LVRN: variants seen among roughly 807,000 people sequenced by gnomAD.
The protein encoded by LVRN is aminopeptidase Q.
In LVRN, 99 loss-of-function variants were observed where a neutral mutation model predicts 111.4. The observed-to-expected ratio is 0.89, with a 90% CI of 0.76 to 1.05. The LOEUF is 1.05. Among genes scored for constraint, LVRN ranks in the 50% least tolerant of loss-of-function variants. The pLI, the probability that LVRN is intolerant of heterozygous loss-of-function variation, is 0.00. For synonymous variants in LVRN, 488 were observed against 449.5 expected, an observed-to-expected ratio of 1.09 and a Z score of -1.08; for missense variants, 1,414 against 1,206.8, an observed-to-expected ratio of 1.17 and a Z score of -2.54.
chr5:116,015,247 T>C lies in LVRN; in HGVS notation c.2451-5T>C. On this transcript the variant is annotated splice_polypyrimidine_tract_variant and splice_region_variant and intron_variant, in intron 16 of 19. Coordinates refer to ENST00000357872, the MANE Select transcript of LVRN (RefSeq NM_173800.5). ...AAAAATATCATTTTATGTTATATTT[T>C]ACAGAATACCTTATCCAATTAAAGA... 6.4e-7 allele frequency: 1 copy of C among 1,567,112 alleles called. No individual in the cohort carries two copies. Among genetic ancestry groups the C allele is most frequent in the Non-Finnish European group, 8.6e-7 (1 of 1,158,926 alleles).
intron 1 of LVRN, among the ~76,000 whole-genome samples, chr5:115,976,900 G>C (rs1219051477): frequency 6.6e-6 from 1 of 152,092 alleles, no homozygotes; most frequent in African/African-American, 2.4e-5. Context: ...ATGTTTTTAA[G>C]CTCTTTGAGA....
At chr5:116,000,297 A>G in intron 7 of LVRN, 136 bp from the exon 8 acceptor site, 3 of 1,248,288 alleles carry the variant, frequency 2.4e-6, no homozygotes, top group Admixed American at 3.7e-5. Flanking sequence ...AGCACATTCC[A>G]AAATAATTCA....
intron 4 of LVRN, 121 bp from the exon 5 acceptor site, chr5:115,992,002 T>C (rs761886906): frequency 1.4e-4 from 127 of 909,116 alleles, no homozygotes; most frequent in Admixed American, 6.2e-4. Context: ...TTCTCTCCGT[T>C]CAGGTTATAA....
intron 18 of LVRN, among the ~76,000 whole-genome samples, chr5:116,018,597 G>A (rs545091012): frequency 5.2e-4 from 79 of 151,232 alleles, no homozygotes; most frequent in African/African-American, 1.7e-3. Flanking sequence ...GCTTGAACCC[G>A]GGAGGTGCAG....
chr5:116,018,484 C>T (rs1488958529), intron 18 of LVRN, among the ~76,000 whole-genome samples: 2 of 152,062 alleles, frequency 1.3e-5, no homozygotes, highest in East Asian at 3.9e-4. Context: ...ACCAGCCTGA[C>T]CAACGTGGAG....
At position 116,000,678 on chromosome 5, in the gene LVRN, A is replaced by G. The variant is rs1322984578; in HGVS notation, c.1647+20A>G. 4 of 1,611,480 alleles carry G rather than the reference A, an allele frequency of 2.5e-6. No homozygotes were observed. The highest frequency in any genetic ancestry group is 3.4e-6 in the Non-Finnish European group (4 of 1,178,188). ...CAAATGGTAATTGTCCTACTTTCTG[A>G]CACATTCTTGCTGAGTTGTTTTGTA... On this transcript the variant is annotated intron_variant, in intron 9 of 19. Transcript: ENST00000357872.
At position 116,015,319 on chromosome 5, in the gene LVRN, G is replaced by T; in HGVS notation, c.2518G>T (p.Asp840Tyr). Residue 840 changes from aspartate (D) to tyrosine (Y), a missense_variant, in exon 17 of 20, where the codon GAC becomes TAC. Transcript: ENST00000357872. ...GIALGSDKEW[D>Y]ILLNTYTNTT... is the part of the protein sequence containing the mutation. ...TGCCTTGGGAAGTGATAAAGAGTGG[G>T]ACATCTTGTTAAATACTTACACTAA... 6.2e-7 allele frequency: 1 copy of T among 1,612,348 alleles called. No individual in the cohort carries two copies.
intron 5 of LVRN, among the ~76,000 whole-genome samples, chr5:115,993,367 G>T (rs1474422223): frequency 6.6e-6 from 1 of 152,118 alleles, no homozygotes; most frequent in Non-Finnish European, 1.5e-5. Context: ...TAGAGTATAA[G>T]GTGCTAGAAT....
At position 115,984,564 on chromosome 5, in the gene LVRN, C is replaced by T. The variant is rs769533542; in HGVS notation, c.839-6C>T. 1.9e-6 allele frequency: 3 copies of T among 1,612,706 alleles called. No homozygotes were observed. In the African/African-American group the frequency reaches 4.0e-5, roughly 22 times the overall value. Reference sequence around the variant, plus strand: ...CTGTGATTTGAACTAAAATAAAATTCTCTAGGTCAGTCTGAAAAAGAAGAT... The same window carrying T: ...CTGTGATTTGAACTAAAATAAAATTTTCTAGGTCAGTCTGAAAAAGAAGAT... On this transcript the variant is annotated splice_region_variant and splice_polypyrimidine_tract_variant and intron_variant, in intron 2 of 19. Transcript: ENST00000357872.
In LVRN at chr5:115,981,583, A is replaced by G. The variant is rs1253410828; in HGVS notation, c.696-1704A>G. Among the ~76,000 whole-genome samples the G allele has an allele frequency of 2.6e-5, 4 of 152,216 alleles. No individual in the cohort carries two copies. In the East Asian group the frequency reaches 7.7e-4, roughly 29 times the overall value. ...CTCAAGCATTTATCCTTTATGTGACAAACTAATTATACCCTAGTTATTTTT... is the reference window on the plus strand; with the variant it reads ...CTCAAGCATTTATCCTTTATGTGACGAACTAATTATACCCTAGTTATTTTT... On this transcript the variant is annotated intron_variant, in intron 1 of 19. Coordinates refer to ENST00000357872, the MANE Select transcript of LVRN (RefSeq NM_173800.5).
chr5:115,973,289 T>C (rs766885164), intron 1 of LVRN, among the ~76,000 whole-genome samples: 6 of 152,194 alleles, frequency 3.9e-5, no homozygotes, highest in Non-Finnish European at 8.8e-5. Context: ...TTTAATATAT[T>C]ATTAGATTTG....
chr5:116,000,959 C>T, intron 9 of LVRN, 108 bp from the exon 10 acceptor site: 3 of 1,277,266 alleles, frequency 2.3e-6, no homozygotes, highest in Non-Finnish European at 3.2e-6. Context: ...TGCAGGACTA[C>T]TACATAAGTG....
At chr5:115,991,357 T>C (rs1410930107) in intron 4 of LVRN, among the ~76,000 whole-genome samples, 2 of 152,230 alleles carry the variant, frequency 1.3e-5, no homozygotes, top group Non-Finnish European at 2.9e-5. Context: ...AAATTTCCCA[T>C]AACTTTTCCT....
intron 1 of LVRN, among the ~76,000 whole-genome samples, chr5:115,976,777 T>G (rs1465325756): frequency 6.6e-6 from 1 of 152,220 alleles, no homozygotes; most frequent in Non-Finnish European, 1.5e-5. Flanking sequence ...ATTTAAATTT[T>G]TATGTTGTTG....
chr5:116,007,667 G>A (rs1279329298), intron 13 of LVRN, among the ~76,000 whole-genome samples: 1 of 152,142 alleles, frequency 6.6e-6, no homozygotes, highest in Admixed American at 6.5e-5. Context: ...ATGTACTACA[G>A]GCATACCTCG....
chr5:116,013,226 C>T (rs562643441), intron 15 of LVRN, among the ~76,000 whole-genome samples: 2 of 152,222 alleles, frequency 1.3e-5, no homozygotes, highest in South Asian at 2.1e-4. Flanking sequence ...CTCAATAGTA[C>T]TCTTCTGGGA....
At chr5:115,973,491 T>C (rs1753371726) in intron 1 of LVRN, among the ~76,000 whole-genome samples, 1 of 152,216 alleles carries the variant, frequency 6.6e-6, no homozygotes, top group Non-Finnish European at 1.5e-5. Context: ...ATATTTCTTC[T>C]TTAACCGTCT....
At chr5:115,995,816 A>C (rs528535343) in intron 6 of LVRN, among the ~76,000 whole-genome samples, 276 of 152,346 alleles carry the variant, frequency 1.8e-3, no homozygotes, top group African/African-American at 6.4e-3. Flanking sequence ...AAGTTGCTCA[A>C]GCTCTCATAG....
At chr5:115,973,710 C>T (rs780148417) in intron 1 of LVRN, among the ~76,000 whole-genome samples, 12 of 152,002 alleles carry the variant, frequency 7.9e-5, no homozygotes, top group South Asian at 2.1e-4. Context: ...CAAAATATTT[C>T]GTTATTATTT....
Sources: gnomAD v4.1 joint callset for allele counts (sites outside exome capture counted in the v4.1 genomes callset) on GRCh38, gnomAD v4.1.1 for gene constraint, MANE v1.5 for transcripts, NCBI Gene and HGNC (gene_info 2026-07-23, HGNC 2026-07-21) for gene names.